Variants in LTA4H observed in about 807,000 individuals in gnomAD.
LTA4H encodes leukotriene A-4 hydrolase.
LTA4H carries 59 observed loss-of-function variants against 89.8 expected under a neutral mutation model. That is an observed-to-expected ratio of 0.66 (90% CI 0.53 to 0.82). LTA4H has a LOEUF of 0.82. LTA4H is among the 40% of genes least tolerant of loss of function. The pLI, the probability that LTA4H is intolerant of heterozygous loss-of-function variation, is 0.00. For synonymous variants in LTA4H, 227 were observed against 253.1 expected (o/e 0.90, Z 0.98); for missense variants, 617 against 727.0 (o/e 0.85, Z 1.74).
Position 96,000,914 on chromosome 12 carries a change from G to A in LTA4H, c.*75C>T, listed in dbSNP as rs1950089181. 9.5e-7 allele frequency: 1 copy of A among 1,054,676 alleles called. No homozygotes were observed. Among genetic ancestry groups the A allele is most frequent in the Non-Finnish European group, 1.5e-6 (1 of 683,628 alleles). The allele number at this position is 1,054,676 out of a possible 1,614,324, so 65.3% of individuals were successfully genotyped here. On this transcript the variant is annotated 3_prime_UTR_variant, in exon 19 of 19. Coordinates refer to ENST00000228740, the MANE Select transcript of LTA4H (RefSeq NM_000895.3). ...AAACTAAAAAGACAGTTTTAATTGTGAGCTGAAGTTTTATATTTCTTTACG... is the reference window on the plus strand; with the variant it reads ...AAACTAAAAAGACAGTTTTAATTGTAAGCTGAAGTTTTATATTTCTTTACG...
intron 16 of LTA4H, among the ~76,000 whole-genome samples, chr12:96,005,438 TG>T (rs1229789340): frequency 6.6e-6 from 1 of 152,236 alleles, no homozygotes; most frequent in Non-Finnish European, 1.5e-5. Context: ...CTTTTCCTAC[TG>T]ATCAGTGTAA....
In LTA4H at chr12:96,001,354, C is replaced by T. The variant is rs1245011015; in HGVS notation, c.1719-248G>A. On this transcript the variant is annotated intron_variant, in intron 18 of 18. Coordinates refer to ENST00000228740, the MANE Select transcript of LTA4H (RefSeq NM_000895.3). Reference sequence around the variant, plus strand: ...GATGGGTATGGTCCTGCCACAGGGTCCCAGAGACCTCCTTCTGTACCAGAG... The same window carrying T: ...GATGGGTATGGTCCTGCCACAGGGTTCCAGAGACCTCCTTCTGTACCAGAG... Among the ~76,000 whole-genome samples, 3 of 152,160 alleles carry T rather than the reference C, an allele frequency of 2.0e-5. No homozygotes were observed. The East Asian group carries it at 5.8e-4, about 29-fold the overall frequency.
Position 96,019,269 on chromosome 12 carries a change from G to T in LTA4H, c.639-29C>A, listed in dbSNP as rs1950422656. ...CAAGATTAAAAAGCTTAATAAAAAA[G>T]AAATTCATGGCAAATGATTCATCTG... is the stretch of plus-strand genomic sequence containing the variant. On this transcript the variant is annotated intron_variant, in intron 6 of 18. Coordinates refer to ENST00000228740, the MANE Select transcript of LTA4H (RefSeq NM_000895.3). The T allele has an allele frequency of 3.8e-6, 6 of 1,568,052 alleles. No individual in the cohort carries two copies. In the East Asian group the frequency reaches 1.3e-4, roughly 35 times the overall value.
chr12:96,036,910 G>C (rs1950652456), upstream of LTA4H, among the ~76,000 whole-genome samples: 1 of 152,282 alleles, frequency 6.6e-6, no homozygotes, highest in African/African-American at 2.4e-5. Context: ...AGAAGGGGCA[G>C]GCCTCTACAT....
chr12:96,026,011 C>T (rs1950509748), intron 3 of LTA4H, among the ~76,000 whole-genome samples: 1 of 152,102 alleles, frequency 6.6e-6, no homozygotes, highest in South Asian at 2.1e-4. Context: ...TACTTCATTC[C>T]ACCACAAGCT....
chr12:96,021,473 T>C (rs933351830), intron 5 of LTA4H, among the ~76,000 whole-genome samples: 1 of 152,194 alleles, frequency 6.6e-6, no homozygotes, highest in Non-Finnish European at 1.5e-5. Context: ...TTCCCATATG[T>C]TTGCCTTTTT....
At chr12:96,024,871 T>C (rs1301555602) in intron 3 of LTA4H, among the ~76,000 whole-genome samples, 1 of 152,184 alleles carries the variant, frequency 6.6e-6, no homozygotes, top group Non-Finnish European at 1.5e-5. Context: ...TTTCTCCATG[T>C]TGATCAGGCT....
intron 14 of LTA4H, chr12:96,009,400 G>A: frequency 2.1e-6 from 1 of 478,862 alleles, no homozygotes; most frequent in Non-Finnish European, 3.7e-6. Flanking sequence ...AAGCACCTCA[G>A]CAAAAGACTG....
At chr12:96,025,647 A>G (rs1950505340) in intron 3 of LTA4H, among the ~76,000 whole-genome samples, 1 of 152,092 alleles carries the variant, frequency 6.6e-6, no homozygotes. Context: ...CCTGGGCAAC[A>G]TAGTGAGACC....
chr12:96,015,929 T>A (rs1950367416), intron 10 of LTA4H, among the ~76,000 whole-genome samples: 1 of 152,168 alleles, frequency 6.6e-6, no homozygotes. Context: ...GTCCCTATGT[T>A]AAAAGTGGGA....
rs189864666 is a variant in LTA4H, at chr12:96,028,153, A to G, written c.291-589T>C. 4.0e-3 allele frequency among the ~76,000 whole-genome samples: 613 copies of G among 152,344 alleles called. 1 individual carries two copies. Among genetic ancestry groups the G allele is most frequent in the African/African-American group, 0.014 (588 of 41,576 alleles). On this transcript the variant is annotated intron_variant, in intron 2 of 18. Transcript: ENST00000228740. ...CAGTCTATGACAGATTGAAGAGGAT[A>G]GAAATTGGTCCTTTACCCCAGAGAG...
In LTA4H at chr12:96,023,479, T is replaced by C. The variant is rs368635996; in HGVS notation, c.480+1000A>G. Among the ~76,000 whole-genome samples, 11 of 152,258 alleles carry C rather than the reference T, an allele frequency of 7.2e-5. No homozygotes were observed. The East Asian group carries it at 1.7e-3, about 24-fold the overall frequency. ...GATCTTCCCACCTCAGCCTCCCAAGTAGTTGGGACTTCACGCAGTTATTAA... is the reference window on the plus strand; with the variant it reads ...GATCTTCCCACCTCAGCCTCCCAAGCAGTTGGGACTTCACGCAGTTATTAA... On this transcript the variant is annotated intron_variant, in intron 4 of 18. Coordinates refer to ENST00000228740, the MANE Select transcript of LTA4H (RefSeq NM_000895.3).
Position 96,009,323 on chromosome 12 carries a change from A to C in LTA4H, c.1380-175T>G, listed in dbSNP as rs573323299. 19 of 571,192 alleles carry C rather than the reference A, an allele frequency of 3.3e-5. No individual in the cohort carries two copies. In the South Asian group the frequency reaches 3.9e-4, roughly 12 times the overall value. The allele number at this position is 571,192 out of a possible 1,614,324, so 35.4% of individuals were successfully genotyped here. A position where few individuals can be genotyped will look rare whatever the true frequency, so the allele number is the denominator to read the frequency against. On this transcript the variant is annotated intron_variant, in intron 14 of 18. Coordinates refer to ENST00000228740, the MANE Select transcript of LTA4H (RefSeq NM_000895.3). ...ACTTACATACTACTGGCATCATCCA[A>C]GAACTCACAAACCCAAATGGATACC...
chr12:96,002,556 T>C (rs907044960), intron 18 of LTA4H, among the ~76,000 whole-genome samples: 15 of 152,174 alleles, frequency 9.9e-5, no homozygotes, highest in Non-Finnish European at 1.5e-5. Context: ...CAACCTACCC[T>C]TGACCTCTAT....
chr12:96,004,667 G>A (rs1202870158), intron 16 of LTA4H, among the ~76,000 whole-genome samples: 2 of 152,054 alleles, frequency 1.3e-5, no homozygotes, highest in African/African-American at 4.8e-5. Context: ...CTCCAACCAC[G>A]ACCTCCTTAC....
intron 18 of LTA4H, among the ~76,000 whole-genome samples, chr12:96,001,909 G>A (rs1950110554): frequency 6.6e-6 from 1 of 151,734 alleles, no homozygotes; most frequent in African/African-American, 2.4e-5. Context: ...AGGAGCTGGA[G>A]AGCAATGGCG....
At chr12:96,015,476 A>T (rs1950361466) in intron 11 of LTA4H, 107 bp downstream of exon 11, 1 of 749,396 alleles carries the variant, frequency 1.3e-6, no homozygotes, top group Admixed American at 2.3e-5. Flanking sequence ...CCACACTTGT[A>T]AAAATGACTT....
Position 96,041,986 on chromosome 12 carries a change from C to CT in LTA4H, c.87+1302dup, listed in dbSNP as rs145401712. Among the ~76,000 whole-genome samples, 261 of 110,044 alleles carry CT rather than the reference C, an allele frequency of 2.4e-3. 2 individuals are homozygous for CT. The highest frequency in any genetic ancestry group is 9.0e-3 in the East Asian group (38 of 4,210). The allele number at this position is 110,044 out of a possible 152,430, so 72.2% of individuals were successfully genotyped here. On this transcript the variant is annotated intron_variant, in intron 1 of 17. Coordinates refer to the LTA4H transcript ENST00000413268. Reference sequence around the variant, plus strand: ...TAAACGTTTCTTTTTGTTTTTTTTTCTTTTTTTTTTTTTTTTTGACAGGGT... The same window carrying CT: ...TAAACGTTTCTTTTTGTTTTTTTTTCTTTTTTTTTTTTTTTTTTGACAGGGT...
chr12:96,024,417 T>A lies in LTA4H; in HGVS notation c.480+62A>T. 1.5e-5 allele frequency: 14 copies of A among 954,378 alleles called. 1 individual carries two copies. In the South Asian group the frequency reaches 1.9e-4, roughly 13 times the overall value. 59.1% of individuals were successfully genotyped at this position (954,378 alleles called of 1,614,324 possible). A position where few individuals can be genotyped will look rare whatever the true frequency, so the allele number is the denominator to read the frequency against. ...GGAATTCAATTATCATCTCTGCTTA[T>A]CATTTATACCATATTTACTGATATG... On this transcript the variant is annotated intron_variant, in intron 4 of 18. Coordinates refer to ENST00000228740, the MANE Select transcript of LTA4H (RefSeq NM_000895.3).
Sources: allele counts gnomAD v4.1 joint callset (sites outside exome capture counted in the v4.1 genomes callset), GRCh38; gene constraint gnomAD v4.1.1; transcripts MANE v1.5; gene names NCBI Gene and HGNC (gene_info 2026-07-23, HGNC 2026-07-21).